The following PDE1A variants were observed in gnomAD, a reference collection of about 807,000 sequenced individuals.
PDE1A encodes dual specificity calcium/calmodulin-dependent 3',5'-cyclic nucleotide phosphodiesterase 1A.
A neutral mutation model predicts 61.7 loss-of-function variants in PDE1A; 35 were observed. The observed-to-expected ratio is 0.57, with a 90% CI of 0.43 to 0.75. The LOEUF is 0.75. Among genes scored for constraint, PDE1A ranks in the 30% least tolerant of loss-of-function variants. The pLI is 0.00. For missense variants in PDE1A, 597 were observed against 630.6 expected, an observed-to-expected ratio of 0.95 and a Z score of 0.57; for synonymous variants, 232 against 213.2, an observed-to-expected ratio of 1.09 and a Z score of -0.77.
the PDE1A span, among the ~76,000 whole-genome samples, chr2:182,601,484 G>A: frequency 6.6e-6 from 1 of 152,208 alleles, no homozygotes; most frequent in Non-Finnish European, 1.5e-5. Flanking sequence ...GGTGAGCAAG[G>A]GGTATGTTTC....
chr2:182,253,206 G>A (rs1574155724), intron 2 of PDE1A, among the ~76,000 whole-genome samples: 1 of 152,186 alleles, frequency 6.6e-6, no homozygotes, highest in African/African-American at 2.4e-5. Context: ...TGAATTTGGA[G>A]CAAGTCCAAC....
At chr2:182,332,297 T>C (rs915143301) in intron 1 of PDE1A, among the ~76,000 whole-genome samples, 2 of 152,186 alleles carry the variant, frequency 1.3e-5, no homozygotes, top group Non-Finnish European at 2.9e-5. Flanking sequence ...GGTTAGAACA[T>C]GCTCCTTTAG....
At chr2:182,687,507 G>A in the PDE1A span, among the ~76,000 whole-genome samples, 1 of 152,142 alleles carries the variant, frequency 6.6e-6, no homozygotes, top group Non-Finnish European at 1.5e-5. Flanking sequence ...AAACAGAAAG[G>A]ACATCCACAC....
chr2:182,634,592 G>A, the PDE1A span, among the ~76,000 whole-genome samples: 48 of 152,294 alleles, frequency 3.2e-4, 1 homozygote, highest in South Asian at 9.7e-3. Flanking sequence ...GAGATGCTAA[G>A]GATTGCAGGT....
At chr2:182,704,136 G>C in the PDE1A span, among the ~76,000 whole-genome samples, 4 of 151,048 alleles carry the variant, frequency 2.6e-5, no homozygotes, top group African/African-American at 9.7e-5. Context: ...GCTCGAATCC[G>C]GGGGGCAGAG....
chr2:182,586,108 T>C, the PDE1A span, among the ~76,000 whole-genome samples: 1 of 152,194 alleles, frequency 6.6e-6, no homozygotes, highest in Non-Finnish European at 1.5e-5. Context: ...TCCCCCATCT[T>C]TCTCCTACAA....
rs76437495 is a variant in PDE1A, at chr2:182,187,214, G to A, written c.1208-626C>T. The stretch of plus-strand genomic sequence containing the variant: ...CAGTGAAGAGAAAAGTAACATCTCT[G>A]GGAGACAGCATTAATCCCACCACTT... On this transcript the variant is annotated intron_variant, in intron 11 of 13. Coordinates refer to ENST00000351439, the Ensembl canonical transcript of PDE1A. Among the ~76,000 whole-genome samples the A allele has an allele frequency of 4.7e-4, 71 of 152,302 alleles. No individual in the cohort carries two copies. The East Asian group carries it at 6.2e-3, about 13-fold the overall frequency.
chr2:182,151,682 G>T (rs543698653), intron 13 of PDE1A, among the ~76,000 whole-genome samples: 1 of 152,032 alleles, frequency 6.6e-6, no homozygotes, highest in South Asian at 2.1e-4. Flanking sequence ...AATTAGTTTT[G>T]TTCTCAATAG....
chr2:182,621,762 A>G, the PDE1A span, among the ~76,000 whole-genome samples: 1 of 152,188 alleles, frequency 6.6e-6, no homozygotes, highest in Non-Finnish European at 1.5e-5. Flanking sequence ...CAAAGTATTT[A>G]ACTCCTATAT....
the PDE1A span, among the ~76,000 whole-genome samples, chr2:182,669,924 C>T: frequency 6.6e-6 from 1 of 152,182 alleles, no homozygotes; most frequent in Non-Finnish European, 1.5e-5. Flanking sequence ...TCGGAGCATC[C>T]CATGGGAACA....
the PDE1A span, among the ~76,000 whole-genome samples, chr2:182,657,232 CA>C: frequency 2.0e-5 from 3 of 152,052 alleles, no homozygotes; most frequent in Admixed American, 6.6e-5. Context: ...AAAAAAAACC[CA>C]AAACAAACAA....
chr2:182,379,483 T>A (rs966527776), intron 1 of PDE1A, among the ~76,000 whole-genome samples: 11 of 152,220 alleles, frequency 7.2e-5, no homozygotes, highest in African/African-American at 2.7e-4. Context: ...GAATCCCAGC[T>A]GTTCAAACGT....
chr2:182,155,643 A>T (rs1166736758), intron 13 of PDE1A, among the ~76,000 whole-genome samples: 1 of 152,186 alleles, frequency 6.6e-6, no homozygotes, highest in Non-Finnish European at 1.5e-5. Context: ...TAATCCCAGA[A>T]CTTTGGGAGG....
At chr2:182,538,550 A>AT in the PDE1A span, among the ~76,000 whole-genome samples, 2 of 151,872 alleles carry the variant, frequency 1.3e-5, no homozygotes, top group African/African-American at 4.8e-5. Context: ...TATTAGCCTC[A>AT]TGCCATATAA....
At chr2:182,636,916 C>T in the PDE1A span, among the ~76,000 whole-genome samples, 1 of 152,326 alleles carries the variant, frequency 6.6e-6, no homozygotes, top group Non-Finnish European at 1.5e-5. Flanking sequence ...AGGCTGTGCA[C>T]ATTCTTCTCA....
the PDE1A span, among the ~76,000 whole-genome samples, chr2:182,694,760 T>C: frequency 7.0e-6 from 1 of 143,024 alleles, no homozygotes; most frequent in East Asian, 2.1e-4. Flanking sequence ...AAATGGATTA[T>C]GGAACCCAGA....
At chr2:182,146,761 G>C (rs1054936460), downstream of PDE1A, among the ~76,000 whole-genome samples, 4 of 152,180 alleles carry the variant, frequency 2.6e-5, no homozygotes, top group African/African-American at 7.2e-5. Flanking sequence ...TGGAACTACA[G>C]GCATGAGCCA....
At chr2:182,409,470 C>T (rs901404938) in intron 1 of PDE1A, among the ~76,000 whole-genome samples, 1 of 152,196 alleles carries the variant, frequency 6.6e-6, no homozygotes, top group African/African-American at 2.4e-5. Context: ...TGTACAAACC[C>T]AGTCTCCATT....
chr2:182,619,367 G>C, the PDE1A span, among the ~76,000 whole-genome samples: 1 of 152,106 alleles, frequency 6.6e-6, no homozygotes, highest in Non-Finnish European at 1.5e-5. Flanking sequence ...GATGAGGAAA[G>C]AGCAAAAGCT....
Sources: gnomAD v4.1 joint callset for allele counts (sites outside exome capture counted in the v4.1 genomes callset) on GRCh38, gnomAD v4.1.1 for gene constraint, MANE v1.5 for transcripts, NCBI Gene and HGNC (gene_info 2026-07-23, HGNC 2026-07-21) for gene names.